CHD7: variants seen among roughly 807,000 people sequenced by gnomAD.
The protein encoded by CHD7 is chromodomain helicase DNA binding protein 7.
A neutral mutation model predicts 307.3 loss-of-function variants in CHD7; 24 were observed. The ratio of observed to expected loss-of-function variants is 0.08; its 90% CI spans 0.06 to 0.11. The LOEUF (loss-of-function observed/expected upper bound fraction) is 0.11. Ranked by LOEUF, CHD7 falls within the 10% of genes least tolerant of loss-of-function variation. The probability of loss-of-function intolerance (pLI) is 1.00; values close to 1 mark genes in which losing one functional copy is unlikely to be tolerated. For synonymous variants in CHD7, 1,363 were observed against 1,349.9 expected (o/e 1.01, Z -0.21); for missense variants, 3,106 against 3,727.1 (o/e 0.83, Z 4.34).
intron 3 of CHD7, among the ~76,000 whole-genome samples, chr8:60,788,279 A>G (rs1479749880): frequency 1.3e-5 from 2 of 150,102 alleles, no homozygotes; most frequent in South Asian, 2.1e-4. Context: ...TTATTTTTTG[A>G]TTCTTTCAGA....
At chr8:60,756,668 G>A (rs775938964) in intron 2 of CHD7, among the ~76,000 whole-genome samples, 1 of 152,142 alleles carries the variant, frequency 6.6e-6, no homozygotes, top group Non-Finnish European at 1.5e-5. Flanking sequence ...TCCAGCCTGG[G>A]CAGCATAGTG....
chr8:60,761,743 A>G (rs1173806896), intron 2 of CHD7, among the ~76,000 whole-genome samples: 2 of 152,084 alleles, frequency 1.3e-5, no homozygotes, highest in South Asian at 2.1e-4. Flanking sequence ...CTAAATGGCT[A>G]AGTGAATGTT....
chr8:60,769,404 C>T (rs1810610592), intron 2 of CHD7, among the ~76,000 whole-genome samples: 1 of 152,162 alleles, frequency 6.6e-6, no homozygotes, highest in African/African-American at 2.4e-5. Flanking sequence ...ACCATTAAAG[C>T]TTTAGTACTT....
rs555491372 is a variant in CHD7 at position 60,745,919 on chromosome 8, C to T, written c.1665+2822C>T. 3.3e-5 allele frequency among the ~76,000 whole-genome samples: 5 copies of T among 152,202 alleles called. No individual in the cohort carries two copies. The East Asian group carries it at 9.6e-4, about 29-fold the overall frequency. ...ATATACCGAGTGCCTAGTATAATGTCCACTCCATGGTATATATGTTAATTC... is the reference window on the plus strand; with the variant it reads ...ATATACCGAGTGCCTAGTATAATGTTCACTCCATGGTATATATGTTAATTC... On this transcript the variant is annotated intron_variant, in intron 2 of 37. Transcript: ENST00000423902.
chr8:60,760,809 A>G (rs1169347822), intron 2 of CHD7, among the ~76,000 whole-genome samples: 2 of 151,958 alleles, frequency 1.3e-5, no homozygotes, highest in African/African-American at 2.4e-5. Flanking sequence ...ATCTCACACC[A>G]GTTAGAATGG....
chr8:60,808,819 G>C (rs1441246719), intron 7 of CHD7: 2 of 153,558 alleles, frequency 1.3e-5, no homozygotes, highest in African/African-American at 4.8e-5. Flanking sequence ...TGTCCTTGTA[G>C]ATTCTGTTGT....
At chr8:60,738,236 A>G (rs1329690785) in intron 1 of CHD7, among the ~76,000 whole-genome samples, 1 of 152,234 alleles carries the variant, frequency 6.6e-6, no homozygotes, top group East Asian at 1.9e-4. Context: ...CTGGGTTTCA[A>G]AGACTCAATA....
In CHD7 at chr8:60,845,359, C is replaced by T. The variant is rs766759257; in HGVS notation, c.5160C>T (p.Ala1720=). Residue 1720 remains alanine, a synonymous_variant, in exon 23 of 38, where the codon GCC becomes GCT. Transcript: ENST00000423902. Reference sequence around the variant, plus strand: ...GGCTGGCCAGCTGCAACCCAGATGCCCTGTTCCAGGAGGACAGCTACAAGA... The same window carrying T: ...GGCTGGCCAGCTGCAACCCAGATGCTCTGTTCCAGGAGGACAGCTACAAGA... The part of the protein sequence containing the change: ...ADWLASCNPD[A]LFQEDSYKKH... 8.1e-6 allele frequency: 13 copies of T among 1,613,826 alleles called. No individual in the cohort carries two copies. The highest frequency in any genetic ancestry group is 9.3e-6 in the Non-Finnish European group (11 of 1,179,886).
intron 34 of CHD7, 80 bp from the exon 35 acceptor site, chr8:60,860,824 G>T: frequency 1.0e-6 from 1 of 995,852 alleles, no homozygotes. Context: ...TCCATTCTAG[G>T]ATAGCGTTTT....
At chr8:60,758,179 A>G (rs1054623161) in intron 2 of CHD7, among the ~76,000 whole-genome samples, 3 of 152,092 alleles carry the variant, frequency 2.0e-5, no homozygotes, top group Non-Finnish European at 4.4e-5. Context: ...TCTGTCACCC[A>G]GGCTGGAGTG....
intron 1 of CHD7, among the ~76,000 whole-genome samples, chr8:60,733,848 G>T (rs559489450): frequency 2.0e-5 from 3 of 152,098 alleles, no homozygotes; most frequent in African/African-American, 4.8e-5. Context: ...ATAACTGAAA[G>T]ATTTCTGCAA....
Position 60,856,859 on chromosome 8 carries a change from A to G in CHD7, c.7579A>G (p.Met2527Val), listed in dbSNP as rs192129249. ...TGTGGAGGGACTTGATCTGCTTTTC[A>G]TGAGCCACAAACGGACGTCATTGAG... is the stretch of plus-strand genomic sequence containing the variant. The part of the protein sequence containing the change: ...KNVEGLDLLF[M>V]SHKRTSLSAE... The change falls in exon 34 of 38, where the codon ATG (methionine) becomes GTG (valine). Residue 2527 changes from methionine (M) to valine (V), a missense_variant. Physicochemically the swap from Met to Val is conservative, Grantham distance 21 (BLOSUM62 1). This residue lies in a region of CHD7 where 1,030 missense variants were observed against 1,165.4 expected (regional missense o/e 0.88). Transcript: ENST00000423902. 1 of 1,566,242 alleles carries G rather than the reference A, an allele frequency of 6.4e-7. No homozygotes were observed. Among genetic ancestry groups the G allele is most frequent in the Non-Finnish European group, 8.6e-7 (1 of 1,157,962 alleles).
intron 21 of CHD7, among the ~76,000 whole-genome samples, chr8:60,844,320 T>C (rs575987772): frequency 2.1e-4 from 32 of 152,216 alleles, no homozygotes; most frequent in Admixed American, 1.2e-3. Flanking sequence ...TGATGGTTCT[T>C]ATGCTTGGGG....
At chr8:60,761,500 A>T (rs960322946) in intron 2 of CHD7, among the ~76,000 whole-genome samples, 12 of 152,030 alleles carry the variant, frequency 7.9e-5, no homozygotes, top group East Asian at 1.9e-4. Flanking sequence ...AATAATAATT[A>T]AAAAAAATAT....
At chr8:60,704,577 A>G (rs1806926545) in intron 1 of CHD7, among the ~76,000 whole-genome samples, 1 of 151,488 alleles carries the variant, frequency 6.6e-6, no homozygotes, top group African/African-American at 2.4e-5. Context: ...AAGGCCTGGA[A>G]GGGGAAGACC....
intron 1 of CHD7, among the ~76,000 whole-genome samples, chr8:60,688,097 A>T (rs1381388062): frequency 1.3e-5 from 2 of 152,232 alleles, no homozygotes; most frequent in East Asian, 3.8e-4. Flanking sequence ...CTTCGTACCT[A>T]AAACGACCAG....
In CHD7 at chr8:60,853,009, G is replaced by A. The variant is rs773114816; in HGVS notation, c.6284G>A (p.Arg2095Gln). The part of the protein sequence containing the change: ...LDLPEWWECG[R>Q]HDRDLLVGAA... The stretch of plus-strand genomic sequence containing the variant: ...CTGCCAGAGTGGTGGGAGTGTGGAC[G>A]GCATGACCGAGACTTGCTGGTTGGT... The change falls in exon 31 of 38, where the codon CGG becomes CAG. Residue 2095 changes from arginine (R) to glutamine (Q), a missense_variant. Around this residue, in one of 10 missense-constraint regions of CHD7, gnomAD observed 1,030 missense variants for 1,165.4 expected, o/e 0.88. Coordinates refer to ENST00000423902, the MANE Select transcript of CHD7 (RefSeq NM_017780.4). 1.5e-5 allele frequency: 24 copies of A among 1,613,858 alleles called. No individual in the cohort carries two copies. The highest frequency in any genetic ancestry group is 3.3e-5 in the South Asian group (3 of 91,082).
chr8:60,823,438 G>T (rs2150751700), intron 12 of CHD7, among the ~76,000 whole-genome samples: 1 of 145,716 alleles, frequency 6.9e-6, no homozygotes, highest in African/African-American at 2.5e-5. Flanking sequence ...TAGATAGATA[G>T]ATGTGTGTGT....
At chr8:60,795,950 A>C (rs527872828) in intron 4 of CHD7, among the ~76,000 whole-genome samples, 1 of 152,312 alleles carries the variant, frequency 6.6e-6, no homozygotes, top group Admixed American at 6.5e-5. Context: ...AGCCTCTAGA[A>C]GCTTACTGGA....
Sources: allele counts gnomAD v4.1 joint callset (sites outside exome capture counted in the v4.1 genomes callset), GRCh38; gene constraint gnomAD v4.1.1; regional missense constraint gnomAD v4.1.1; transcripts MANE v1.5; gene names NCBI Gene and HGNC (gene_info 2026-07-23, HGNC 2026-07-21).